KIAA1328: variants seen among roughly 807,000 people sequenced by gnomAD.
KIAA1328 encodes protein hinderin.
Under a neutral mutation model 68.1 loss-of-function variants are expected in KIAA1328, and 52 were observed. That is an observed-to-expected ratio of 0.76 (90% CI 0.61 to 0.96). The LOEUF is 0.96. Among genes scored for constraint, KIAA1328 ranks in the 40% least tolerant of loss-of-function variants. The pLI is 0.00. For missense variants in KIAA1328, 641 were observed against 677.6 expected (o/e 0.95, Z 0.60); for synonymous variants, 232 against 239.4 (o/e 0.97, Z 0.28).
intron 5 of KIAA1328, among the ~76,000 whole-genome samples, chr18:36,949,946 A>T (rs561940419): frequency 2.6e-5 from 4 of 152,258 alleles, no homozygotes; most frequent in African/African-American, 7.2e-5. Flanking sequence ...TCAGACTTGT[A>T]TCAGTGGCTT....
chr18:36,897,990 A>G (rs566753383), intron 5 of KIAA1328, among the ~76,000 whole-genome samples: 1 of 152,184 alleles, frequency 6.6e-6, no homozygotes, highest in South Asian at 2.1e-4. Context: ...TGAAATAAGA[A>G]GCCAATAGTA....
At chr18:37,031,009 A>G (rs958794629) in intron 6 of KIAA1328, among the ~76,000 whole-genome samples, 4 of 152,296 alleles carry the variant, frequency 2.6e-5, no homozygotes, top group African/African-American at 9.6e-5. Flanking sequence ...AAAGGACATG[A>G]ACTCATCATT....
At chr18:37,131,971 C>A (rs755909249) in intron 7 of KIAA1328, among the ~76,000 whole-genome samples, 4 of 152,052 alleles carry the variant, frequency 2.6e-5, no homozygotes, top group Non-Finnish European at 4.4e-5. Flanking sequence ...ATTATGTGTC[C>A]TTTTAAGTGT....
intron 7 of KIAA1328, among the ~76,000 whole-genome samples, chr18:37,114,500 A>G (rs934057098): frequency 1.3e-5 from 2 of 152,248 alleles, no homozygotes; most frequent in Non-Finnish European, 2.9e-5. Flanking sequence ...TCTGGGACAC[A>G]TTTAAAGCAG....
At chr18:37,201,021 G>T (rs1014738655) in intron 9 of KIAA1328, among the ~76,000 whole-genome samples, 46 of 152,254 alleles carry the variant, frequency 3.0e-4, no homozygotes, top group African/African-American at 1.0e-3. Context: ...AAGTCAAGGG[G>T]GAAGGGGAGA....
At chr18:37,179,076 A>G (rs2059650301) in intron 9 of KIAA1328, among the ~76,000 whole-genome samples, 1 of 152,074 alleles carries the variant, frequency 6.6e-6, no homozygotes, top group African/African-American at 2.4e-5. Flanking sequence ...GCTTTGATGT[A>G]ATCCCATTTG....
At chr18:37,018,119 G>C (rs2054215695) in intron 6 of KIAA1328, among the ~76,000 whole-genome samples, 1 of 152,066 alleles carries the variant, frequency 6.6e-6, no homozygotes, top group Non-Finnish European at 1.5e-5. Context: ...TCCATACTTA[G>C]AACTCCCGTA....
chr18:36,959,653 T>C (rs562562484), intron 6 of KIAA1328, among the ~76,000 whole-genome samples: 1 of 152,258 alleles, frequency 6.6e-6, no homozygotes, highest in East Asian at 1.9e-4. Flanking sequence ...GCAGTCTGTG[T>C]GGGTCAGTGG....
intron 6 of KIAA1328, among the ~76,000 whole-genome samples, chr18:36,982,095 T>A (rs556723821): frequency 5.6e-4 from 81 of 144,280 alleles, no homozygotes; most frequent in African/African-American, 2.0e-3. Flanking sequence ...TATATTATAT[T>A]ATATATAATA....
chr18:37,224,525 A>G lies in KIAA1328; in HGVS notation c.*2298A>G. 1 of 982,196 alleles carries G rather than the reference A, an allele frequency of 1.0e-6. No homozygotes were observed. The highest frequency in any genetic ancestry group is 1.2e-6 in the Non-Finnish European group (1 of 826,906). The allele number at this position is 982,196 out of a possible 1,614,324, so 60.8% of individuals were successfully genotyped here. On this transcript the variant is annotated 3_prime_UTR_variant, in exon 10 of 10. Coordinates refer to ENST00000280020, the MANE Select transcript of KIAA1328 (RefSeq NM_020776.3). Reference sequence around the variant, plus strand: ...TTGGTGCAAGGGCAATAGGATGTAAATTTGTATATAATCTAATGTCTTCAT... The same window carrying G: ...TTGGTGCAAGGGCAATAGGATGTAAGTTTGTATATAATCTAATGTCTTCAT...
rs2060582317 is a variant in KIAA1328, at chr18:37,222,449, G to A, written c.*222G>A. The A allele has an allele frequency of 7.2e-7, 1 of 1,387,874 alleles. No homozygotes were observed. The highest frequency in any genetic ancestry group is 1.5e-5 in the African/African-American group (1 of 68,662). The allele number at this position is 1,387,874 out of a possible 1,614,324, so 86.0% of individuals were successfully genotyped here. ...ACTAAGGGGGTAGGAATGGAAGATG[G>A]TATCTTTTATATGCTAAACAGATTA... On this transcript the variant is annotated 3_prime_UTR_variant, in exon 10 of 10. Transcript: ENST00000280020.
At chr18:37,225,490 T>C (rs771056212), downstream of KIAA1328, among the ~76,000 whole-genome samples, 7 of 152,168 alleles carry the variant, frequency 4.6e-5, no homozygotes, top group African/African-American at 7.2e-5. Flanking sequence ...AGAAAGGAAA[T>C]GGTTTGTCAC....
chr18:37,067,847 C>T (rs1009719042), intron 7 of KIAA1328, among the ~76,000 whole-genome samples: 1 of 152,052 alleles, frequency 6.6e-6, no homozygotes, highest in African/African-American at 2.4e-5. Context: ...CATGAGCTAC[C>T]GCGCCTGCCC....
Position 36,891,018 on chromosome 18 carries a change from A to G in KIAA1328, c.448+5346A>G, listed in dbSNP as rs536322047. On this transcript the variant is annotated intron_variant, in intron 5 of 9. Coordinates refer to ENST00000280020, the MANE Select transcript of KIAA1328 (RefSeq NM_020776.3). ...GATGAATAAACAACCAGCCTACTAAAGCAGAATAGAAAGTTTAAAGGTAAA... is the reference window on the plus strand; with the variant it reads ...GATGAATAAACAACCAGCCTACTAAGGCAGAATAGAAAGTTTAAAGGTAAA... 2.6e-5 allele frequency among the ~76,000 whole-genome samples: 4 copies of G among 152,332 alleles called. No individual in the cohort carries two copies. The East Asian group carries it at 7.7e-4, about 29-fold the overall frequency.
downstream of KIAA1328, among the ~76,000 whole-genome samples, chr18:37,228,247 G>T (rs1274547396): frequency 6.6e-6 from 1 of 152,194 alleles, no homozygotes; most frequent in Non-Finnish European, 1.5e-5. Flanking sequence ...TAATTGAAAT[G>T]ACAACAAAAG....
chr18:37,021,122 A>G (rs1206135141), intron 6 of KIAA1328, among the ~76,000 whole-genome samples: 1 of 152,190 alleles, frequency 6.6e-6, no homozygotes, highest in Non-Finnish European at 1.5e-5. Context: ...CTGCTCTTTC[A>G]TCTTCATTAC....
intron 9 of KIAA1328, among the ~76,000 whole-genome samples, chr18:37,208,056 G>T (rs2060248950): frequency 6.6e-6 from 1 of 152,114 alleles, no homozygotes; most frequent in Non-Finnish European, 1.5e-5. Context: ...TGATTTTCCT[G>T]CCTCAGCCTC....
chr18:37,068,960 T>C (rs1296534145), intron 7 of KIAA1328, among the ~76,000 whole-genome samples: 2 of 152,092 alleles, frequency 1.3e-5, no homozygotes, highest in African/African-American at 4.8e-5. Flanking sequence ...AGATCTTTCA[T>C]AGAGCAGAAA....
intron 9 of KIAA1328, among the ~76,000 whole-genome samples, chr18:37,206,471 C>T (rs1186050366): frequency 6.6e-6 from 1 of 152,092 alleles, no homozygotes; most frequent in Non-Finnish European, 1.5e-5. Context: ...GAGAGCAACC[C>T]TATTCATCTT....
Sources: allele counts gnomAD v4.1 joint callset (sites outside exome capture counted in the v4.1 genomes callset), GRCh38; gene constraint gnomAD v4.1.1; transcripts MANE v1.5; gene names NCBI Gene and HGNC (gene_info 2026-07-23, HGNC 2026-07-21).